The following VTI1A variants were observed in gnomAD, a reference collection of about 807,000 sequenced individuals.
The protein encoded by VTI1A is vesicle transport through interaction with t-SNAREs homolog 1A.
Under a neutral mutation model 34.9 loss-of-function variants are expected in VTI1A, and 22 were observed. The ratio of observed to expected loss-of-function variants is 0.63; its 90% CI spans 0.45 to 0.90. The LOEUF is 0.90. Ranked by LOEUF, VTI1A falls within the 40% of genes least tolerant of loss-of-function variation. The probability of loss-of-function intolerance (pLI) is 0.00; values close to 1 mark genes in which losing one functional copy is unlikely to be tolerated. For missense variants in VTI1A, 268 were observed against 275.6 expected (o/e 0.97, Z 0.20); for synonymous variants, 87 against 97.3 (o/e 0.89, Z 0.62).
At chr10:112,813,710 GAGTA>G (rs911155458) in intron 7 of VTI1A, among the ~76,000 whole-genome samples, 2 of 152,218 alleles carry the variant, frequency 1.3e-5, no homozygotes, top group Admixed American at 6.5e-5. Flanking sequence ...CCTGCCTCTT[GAGTA>G]AGTGTGGCCT....
At chr10:112,699,211 C>T (rs903220445) in intron 7 of VTI1A, among the ~76,000 whole-genome samples, 3 of 152,230 alleles carry the variant, frequency 2.0e-5, no homozygotes, top group Non-Finnish European at 4.4e-5. Flanking sequence ...CCTCACTCTA[C>T]CTAGACCTGT....
At chr10:112,782,988 A>G (rs1293794305) in intron 7 of VTI1A, among the ~76,000 whole-genome samples, 2 of 152,232 alleles carry the variant, frequency 1.3e-5, no homozygotes, top group Non-Finnish European at 2.9e-5. Flanking sequence ...TTGGTAGGAA[A>G]GATGTTCAAA....
intron 4 of VTI1A, among the ~76,000 whole-genome samples, chr10:112,537,310 G>GATATATATATATATATATATATATAT (rs1564817675): frequency 9.2e-5 from 1 of 10,858 alleles, no homozygotes; most frequent in Admixed American, 6.9e-4. Flanking sequence ...TAAGTATCTA[G>GATATATATATATATATATATATATAT]GTATATATAT....
chr10:112,610,446 T>G (rs114953967), intron 5 of VTI1A, among the ~76,000 whole-genome samples: 1,776 of 152,308 alleles, frequency 0.012, 37 homozygotes, highest in African/African-American at 0.041. Context: ...AAAGGATCTT[T>G]GAAATCATCC....
chr10:112,646,828 G>A (rs1209559131), intron 5 of VTI1A, among the ~76,000 whole-genome samples: 1 of 152,072 alleles, frequency 6.6e-6, no homozygotes, highest in Non-Finnish European at 1.5e-5. Context: ...TCTTTTGTTA[G>A]TTGATACAAC....
At chr10:112,501,983 G>T (rs1244849962) in intron 3 of VTI1A, among the ~76,000 whole-genome samples, 1 of 149,524 alleles carries the variant, frequency 6.7e-6, no homozygotes, top group Admixed American at 6.7e-5. Flanking sequence ...TTAAAGTTAA[G>T]TAGCAAAATA....
the VTI1A span, among the ~76,000 whole-genome samples, chr10:112,830,849 A>ATATATAT: frequency 1.2e-3 from 39 of 33,492 alleles, 1 homozygote; most frequent in Non-Finnish European, 1.2e-3. Context: ...ATATATATAT[A>ATATATAT]TTTTTTTTTT....
intron 5 of VTI1A, among the ~76,000 whole-genome samples, chr10:112,576,543 A>G (rs1032859239): frequency 6.6e-6 from 1 of 152,230 alleles, no homozygotes; most frequent in Non-Finnish European, 1.5e-5. Context: ...TTGAAATTAC[A>G]TTTTAAATAT....
intron 7 of VTI1A, among the ~76,000 whole-genome samples, chr10:112,812,500 C>A (rs530895790): frequency 3.3e-5 from 5 of 152,348 alleles, no homozygotes; most frequent in African/African-American, 1.2e-4. Flanking sequence ...AACTAAGCTT[C>A]CTCACAGATG....
At chr10:112,506,689 C>G (rs984658436) in intron 3 of VTI1A, among the ~76,000 whole-genome samples, 4 of 152,122 alleles carry the variant, frequency 2.6e-5, no homozygotes, top group Non-Finnish European at 4.4e-5. Flanking sequence ...AGTATTTACT[C>G]TTATTGGAGT....
At chr10:112,638,021 G>T (rs1225700285) in intron 5 of VTI1A, among the ~76,000 whole-genome samples, 2 of 152,214 alleles carry the variant, frequency 1.3e-5, no homozygotes, top group African/African-American at 2.4e-5. Context: ...AATGAAAGAT[G>T]GGATTTGTTT....
intron 2 of VTI1A, among the ~76,000 whole-genome samples, chr10:112,461,402 A>G (rs1407014287): frequency 1.3e-5 from 2 of 152,194 alleles, no homozygotes; most frequent in Non-Finnish European, 2.9e-5. Context: ...TAGCAGCATG[A>G]GAGAACCTTG....
chr10:112,830,847 ATATTTTTT>A, the VTI1A span, among the ~76,000 whole-genome samples: 1 of 31,002 alleles, frequency 3.2e-5, no homozygotes, highest in East Asian at 9.3e-4. Context: ...ATATATATAT[ATATTTTTT>A]TTTTTTTTCT....
At chr10:112,840,719 C>A in the VTI1A span, among the ~76,000 whole-genome samples, 3 of 152,114 alleles carry the variant, frequency 2.0e-5, no homozygotes, top group Non-Finnish European at 2.9e-5. Flanking sequence ...AACAACTAGA[C>A]CCCTGGGGGG....
chr10:112,757,559 T>C (rs897958035), intron 7 of VTI1A, among the ~76,000 whole-genome samples: 1 of 151,894 alleles, frequency 6.6e-6, no homozygotes. Flanking sequence ...TAATTGTTTG[T>C]ATTTTTTGTA....
chr10:112,840,038 G>C, the VTI1A span, among the ~76,000 whole-genome samples: 622 of 152,208 alleles, frequency 4.1e-3, 4 homozygotes, highest in African/African-American at 0.013. Context: ...AAATGGAGGA[G>C]GGCCAGGCTG....
At chr10:112,594,283 C>T (rs575252461) in intron 5 of VTI1A, among the ~76,000 whole-genome samples, 5 of 152,186 alleles carry the variant, frequency 3.3e-5, no homozygotes, top group African/African-American at 9.6e-5. Flanking sequence ...CTCATAACCC[C>T]GGAAGTTTTA....
In VTI1A at chr10:112,749,431, T is replaced by C. The variant is rs539264870; in HGVS notation, c.561-65859T>C. ...TTGCACCACCCTAGTCTACAATACATCTGAATTCAGATCATCCCAACAAGG... is the reference window on the plus strand; with the variant it reads ...TTGCACCACCCTAGTCTACAATACACCTGAATTCAGATCATCCCAACAAGG... On this transcript the variant is annotated intron_variant, in intron 7 of 7. Transcript: ENST00000393077. 9.7e-4 allele frequency among the ~76,000 whole-genome samples: 147 copies of C among 152,318 alleles called. 1 individual carries two copies. Among genetic ancestry groups the C allele is most frequent in the African/African-American group, 3.2e-3 (133 of 41,578 alleles).
At chr10:112,804,330 C>G (rs1442797960) in intron 7 of VTI1A, among the ~76,000 whole-genome samples, 1 of 152,234 alleles carries the variant, frequency 6.6e-6, no homozygotes, top group Admixed American at 6.5e-5. Context: ...TTCCTGCCCC[C>G]ACCTTCCCAT....
Sources: gnomAD v4.1 joint callset for allele counts (sites outside exome capture counted in the v4.1 genomes callset) on GRCh38, gnomAD v4.1.1 for gene constraint, MANE v1.5 for transcripts, NCBI Gene and HGNC (gene_info 2026-07-23, HGNC 2026-07-21) for gene names.